IRF2: variants seen among roughly 807,000 people sequenced by gnomAD.
IRF2 encodes interferon regulatory factor 2.
IRF2 carries 15 observed loss-of-function variants against 40.6 expected under a neutral mutation model. The observed-to-expected ratio is 0.37, with a 90% CI of 0.25 to 0.57. The LOEUF (loss-of-function observed/expected upper bound fraction) is 0.57, where lower values mean the gene tolerates loss of function less well. Ranked by LOEUF, IRF2 falls within the 20% of genes least tolerant of loss-of-function variation. The pLI, the probability that IRF2 is intolerant of heterozygous loss-of-function variation, is 0.77. For synonymous variants in IRF2, 151 were observed against 165.5 expected (o/e 0.91, Z 0.67); for missense variants, 317 against 455.7 (o/e 0.70, Z 2.77).
chr4:184,419,076 C>T (rs750823233), intron 3 of IRF2, among the ~76,000 whole-genome samples: 7 of 152,162 alleles, frequency 4.6e-5, no homozygotes, highest in African/African-American at 1.2e-4. Context: ...TTTCATCTGA[C>T]GCTCCAACAA....
rs1050459828 is a variant in IRF2, at chr4:184,437,890, T to C, written c.-6-8820A>G. On this transcript the variant is annotated intron_variant, in intron 1 of 8. Coordinates refer to ENST00000393593, the MANE Select transcript of IRF2 (RefSeq NM_002199.4). ...CACGCGTATAGGAATCTAACAGCAG[T>C]GTTTAGTAGTAATTTTTCCTGGGCA... Among the ~76,000 whole-genome samples the C allele has an allele frequency of 2.7e-5, 4 of 149,822 alleles. No individual in the cohort carries two copies. In the East Asian group the frequency reaches 5.9e-4, roughly 22 times the overall value.
chr4:184,399,343 T>C (rs987831487), intron 6 of IRF2, among the ~76,000 whole-genome samples: 2 of 152,148 alleles, frequency 1.3e-5, no homozygotes, highest in Non-Finnish European at 2.9e-5. Context: ...CCTTTCCAGC[T>C]CAGCAGAATT....
At chr4:184,459,694 G>A (rs1328191107) in intron 1 of IRF2, among the ~76,000 whole-genome samples, 1 of 152,140 alleles carries the variant, frequency 6.6e-6, no homozygotes, top group Non-Finnish European at 1.5e-5. Flanking sequence ...AATGAAGAAA[G>A]CCCTTGAATA....
At position 184,419,570 on chromosome 4, in the gene IRF2, TG is replaced by T. The variant is rs1737404961; in HGVS notation, c.88-3del. 74 of 819,800 alleles carry T rather than the reference TG, an allele frequency of 9.0e-5. No homozygotes were observed. Among genetic ancestry groups the T allele is most frequent in the African/African-American group, 1.4e-4 (5 of 36,966 alleles). 50.8% of individuals were successfully genotyped at this position (819,800 alleles called of 1,614,324 possible). ...GGGGATCTGAAAAATCTTCTTTTCCTGAAAAAAAAAAAAAAAAAAAAGGTAA... is the reference window on the plus strand; with the variant it reads ...GGGGATCTGAAAAATCTTCTTTTCCTAAAAAAAAAAAAAAAAAAAAGGTAA... On this transcript the variant is annotated splice_polypyrimidine_tract_variant and splice_region_variant and intron_variant, in intron 2 of 8. Coordinates refer to ENST00000393593, the MANE Select transcript of IRF2 (RefSeq NM_002199.4).
chr4:184,446,094 G>A (rs957303626), intron 1 of IRF2, among the ~76,000 whole-genome samples: 3 of 152,008 alleles, frequency 2.0e-5, no homozygotes, highest in Non-Finnish European at 2.9e-5. Flanking sequence ...GCCACCAGAA[G>A]GTAGGAGAGA....
rs781319243 is a variant in IRF2, at chr4:184,388,843, C to G, written c.965G>C (p.Ser322Thr). The G allele has an allele frequency of 2.2e-5, 35 of 1,613,922 alleles. No individual in the cohort carries two copies. Among genetic ancestry groups the G allele is most frequent in the Admixed American group, 6.7e-5 (4 of 59,998 alleles). ...GGTCTCCCGGTCTGGCCGACTGCTG[C>G]TGGATGCTGGGGTCATGGAGGAAGA... Reference protein sequence around the residue: ...PLSSSMTPASSSSRPDRETRA... With the variant: ...PLSSSMTPASTSSRPDRETRA... The change falls in exon 9 of 9, where the codon AGC becomes ACC. Residue 322 changes from serine (S) to threonine (T), a missense_variant. Physicochemically the swap from Ser to Thr is moderately conservative, Grantham distance 58. This residue lies in a region of IRF2 where 262 missense variants were observed against 334.0 expected (regional missense o/e 0.78). Transcript: ENST00000393593. The surrounding 1 kb of genome is among the most constrained non-coding windows in gnomAD (Gnocchi z 4.6).
intron 7 of IRF2, among the ~76,000 whole-genome samples, chr4:184,394,159 A>G (rs1194185226): frequency 6.6e-6 from 1 of 152,202 alleles, no homozygotes; most frequent in Non-Finnish European, 1.5e-5. Flanking sequence ...ACCAACAGGC[A>G]CATGAGTAAT....
At chr4:184,449,374 T>TC (rs1478469744) in intron 1 of IRF2, among the ~76,000 whole-genome samples, 1 of 152,210 alleles carries the variant, frequency 6.6e-6, no homozygotes, top group Admixed American at 6.5e-5. Flanking sequence ...GCAAACCTTC[T>TC]CCATTTCACC....
intron 5 of IRF2, among the ~76,000 whole-genome samples, chr4:184,410,176 T>G (rs1737020959): frequency 6.6e-6 from 1 of 152,124 alleles, no homozygotes; most frequent in South Asian, 2.1e-4. Context: ...GCCTGGCACC[T>G]CCACTCCTCA....
At chr4:184,398,491 T>C (rs942311753) in intron 7 of IRF2, among the ~76,000 whole-genome samples, 3 of 151,898 alleles carry the variant, frequency 2.0e-5, no homozygotes, top group African/African-American at 7.3e-5. Context: ...TCCCCGTCTC[T>C]ACTAAAAATA....
chr4:184,444,274 A>C (rs555150149), intron 1 of IRF2, among the ~76,000 whole-genome samples: 3 of 152,294 alleles, frequency 2.0e-5, no homozygotes, highest in East Asian at 3.9e-4. Flanking sequence ...CCATTGCCCC[A>C]AAAATTCAGA....
intron 1 of IRF2, among the ~76,000 whole-genome samples, chr4:184,467,953 C>A (rs901369248): frequency 6.6e-6 from 1 of 152,158 alleles, no homozygotes; most frequent in Non-Finnish European, 1.5e-5. Context: ...ATTAGTCTTG[C>A]CTTTGGGATA....
chr4:184,404,219 G>A (rs374558651), intron 6 of IRF2, among the ~76,000 whole-genome samples: 2 of 152,124 alleles, frequency 1.3e-5, no homozygotes, highest in African/African-American at 4.8e-5. Context: ...GCAGAGTCAA[G>A]AATGAAACTT....
intron 5 of IRF2, among the ~76,000 whole-genome samples, chr4:184,410,068 T>C (rs937450308): frequency 6.6e-6 from 1 of 152,106 alleles, no homozygotes; most frequent in Non-Finnish European, 1.5e-5. Flanking sequence ...TGGGCCCCCA[T>C]TAGTTCCTGT....
At position 184,390,719 on chromosome 4, in the gene IRF2, T is replaced by A; in HGVS notation, c.725A>T (p.Asp242Val). 6.2e-7 allele frequency: 1 copy of A among 1,614,152 alleles called. No individual in the cohort carries two copies. Among genetic ancestry groups the A allele is most frequent in the South Asian group, 1.1e-5 (1 of 91,082 alleles). Residue 242 changes from aspartate (D) to valine (V), a missense_variant, in exon 8 of 9, where the codon GAT becomes GTT. Asp to Val is a radical substitution (Grantham distance 152). Transcript: ENST00000393593. ...GTGGCTTACCTCGGCACTCTCTTCA[T>A]CGCTGGGCACACTATCAGTCGTTTC... ...ESETTDSVPS[D>V]EESAEGRPHW...
At chr4:184,444,165 G>A (rs1561117494) in intron 1 of IRF2, among the ~76,000 whole-genome samples, 1 of 152,240 alleles carries the variant, frequency 6.6e-6, no homozygotes, top group South Asian at 2.1e-4. Flanking sequence ...GGCTAGTGAC[G>A]CTTTTTTATC....
At chr4:184,451,563 A>C (rs143084602) in intron 1 of IRF2, among the ~76,000 whole-genome samples, 3 of 152,310 alleles carry the variant, frequency 2.0e-5, no homozygotes, top group African/African-American at 7.2e-5. Context: ...CTCCATTATC[A>C]TGAGAACTGA....
At chr4:184,473,247 C>T (rs1183636739) in intron 1 of IRF2, among the ~76,000 whole-genome samples, 1 of 150,962 alleles carries the variant, frequency 6.6e-6, no homozygotes, top group Non-Finnish European at 1.5e-5. Context: ...CGCGTCCCCA[C>T]CCCGCCGCGG....
chr4:184,453,673 T>C (rs184002036), intron 1 of IRF2, among the ~76,000 whole-genome samples: 49 of 152,260 alleles, frequency 3.2e-4, no homozygotes, highest in African/African-American at 8.2e-4. Flanking sequence ...AGAGAACAAG[T>C]TCAATAAGAG....
Sources: allele counts gnomAD v4.1 joint callset (sites outside exome capture counted in the v4.1 genomes callset), GRCh38; gene constraint gnomAD v4.1.1; regional missense constraint gnomAD v4.1.1; non-coding constraint Gnocchi (gnomAD v3.1); transcripts MANE v1.5; gene names NCBI Gene and HGNC (gene_info 2026-07-23, HGNC 2026-07-21).